The following DLG1 variants were observed in gnomAD, a reference collection of about 807,000 sequenced individuals.
DLG1 encodes disks large homolog 1.
Under a neutral mutation model 123.4 loss-of-function variants are expected in DLG1, and 42 were observed. The observed-to-expected ratio is 0.34, with a 90% CI of 0.27 to 0.44. The LOEUF (loss-of-function observed/expected upper bound fraction) is 0.44. Ranked by LOEUF, DLG1 falls within the 20% of genes least tolerant of loss-of-function variation. DLG1 has a pLI of 1.00. For synonymous variants in DLG1, 317 were observed against 356.2 expected, an observed-to-expected ratio of 0.89 and a Z score of 1.24; for missense variants, 942 against 1,082.6, an observed-to-expected ratio of 0.87 and a Z score of 1.82.
chr3:197,184,786 C>A (rs1308202832), intron 5 of DLG1, among the ~76,000 whole-genome samples: 2 of 152,260 alleles, frequency 1.3e-5, no homozygotes, highest in South Asian at 2.1e-4. Flanking sequence ...TGTGTTTTAT[C>A]CAACTCTACA....
chr3:197,083,257 A>G (rs1231007983), intron 16 of DLG1, among the ~76,000 whole-genome samples: 1 of 152,212 alleles, frequency 6.6e-6, no homozygotes, highest in Non-Finnish European at 1.5e-5. Context: ...ACAAACAGGT[A>G]AATAAATAAA....
At chr3:197,161,035 C>T (rs539000079) in intron 5 of DLG1, among the ~76,000 whole-genome samples, 1 of 152,172 alleles carries the variant, frequency 6.6e-6, no homozygotes, top group Non-Finnish European at 1.5e-5. Flanking sequence ...AATGATTAGA[C>T]TCTCTCACAT....
intron 4 of DLG1, among the ~76,000 whole-genome samples, chr3:197,265,464 T>A (rs999814978): frequency 6.6e-6 from 1 of 152,130 alleles, no homozygotes; most frequent in Non-Finnish European, 1.5e-5. Flanking sequence ...CAGCCTTAAG[T>A]TGAGGAGAAA....
chr3:197,218,480 G>T (rs1417732091), intron 4 of DLG1, among the ~76,000 whole-genome samples: 1 of 152,142 alleles, frequency 6.6e-6, no homozygotes, highest in Non-Finnish European at 1.5e-5. Context: ...CAGCTATACT[G>T]TCAGAACAAA....
chr3:197,055,392 T>C (rs184648973), intron 23 of DLG1, among the ~76,000 whole-genome samples: 82 of 152,362 alleles, frequency 5.4e-4, no homozygotes, highest in Non-Finnish European at 8.1e-4. Context: ...GGCTATATTT[T>C]CCTGTTTCTT....
At chr3:197,135,935 C>T (rs1354862592) in intron 10 of DLG1, among the ~76,000 whole-genome samples, 1 of 152,046 alleles carries the variant, frequency 6.6e-6, no homozygotes, top group East Asian at 1.9e-4. Flanking sequence ...CCTCAGCCTC[C>T]CAAGGAGCTG....
intron 17 of DLG1, among the ~76,000 whole-genome samples, chr3:197,080,096 C>T (rs1358006383): frequency 6.6e-6 from 1 of 151,590 alleles, no homozygotes; most frequent in Non-Finnish European, 1.5e-5. Flanking sequence ...GAATATTCCA[C>T]TGCAGTGAGT....
At chr3:197,207,829 T>C (rs1214476298) in intron 4 of DLG1, among the ~76,000 whole-genome samples, 1 of 145,752 alleles carries the variant, frequency 6.9e-6, no homozygotes, top group Non-Finnish European at 1.5e-5. Flanking sequence ...TCCTGAAGAT[T>C]TTTTTAAATG....
chr3:197,240,411 G>A (rs1748239341), intron 4 of DLG1, among the ~76,000 whole-genome samples: 1 of 152,108 alleles, frequency 6.6e-6, no homozygotes, highest in Non-Finnish European at 1.5e-5. Flanking sequence ...TAACAGTAAA[G>A]AACTTCTAAG....
chr3:197,185,206 T>G (rs1249247867), intron 5 of DLG1, among the ~76,000 whole-genome samples: 4 of 152,226 alleles, frequency 2.6e-5, no homozygotes, highest in African/African-American at 9.6e-5. Flanking sequence ...CCATGGATAT[T>G]TTTTCGGATG....
intron 17 of DLG1, among the ~76,000 whole-genome samples, chr3:197,077,506 A>G (rs1350219669): frequency 1.3e-5 from 2 of 152,204 alleles, no homozygotes; most frequent in Non-Finnish European, 2.9e-5. Flanking sequence ...TTATTAAAAA[A>G]AAGTACACAT....
chr3:197,203,602 GT>G (rs1726991429), intron 4 of DLG1, among the ~76,000 whole-genome samples: 2 of 152,044 alleles, frequency 1.3e-5, no homozygotes. Context: ...CAGGTTAAAA[GT>G]AGAGGAAAGT....
chr3:197,222,067 C>G (rs1335477789), intron 4 of DLG1, among the ~76,000 whole-genome samples: 1 of 152,134 alleles, frequency 6.6e-6, no homozygotes. Flanking sequence ...GAAAAAATGT[C>G]TGTATACGTT....
intron 13 of DLG1, 67 bp from the exon 14 acceptor site, chr3:197,105,072 A>AT: frequency 9.9e-7 from 1 of 1,014,518 alleles, no homozygotes; most frequent in Middle Eastern, 2.1e-4. Context: ...ACAATAGTCT[A>AT]TTCTTTGAGT....
intron 5 of DLG1, among the ~76,000 whole-genome samples, chr3:197,152,201 T>C (rs1221907901): frequency 6.6e-6 from 1 of 152,178 alleles, no homozygotes; most frequent in Non-Finnish European, 1.5e-5. Context: ...AACTGTGATT[T>C]ACCTATACTC....
chr3:197,128,749 AAAC>A (rs1460079715), intron 11 of DLG1, among the ~76,000 whole-genome samples: 1 of 152,242 alleles, frequency 6.6e-6, no homozygotes, highest in Non-Finnish European at 1.5e-5. Context: ...GTAAGCATCA[AAAC>A]AACATCAGTC....
intron 23 of DLG1, among the ~76,000 whole-genome samples, chr3:197,055,427 G>A (rs925269555): frequency 6.6e-6 from 1 of 152,032 alleles, no homozygotes; most frequent in Non-Finnish European, 1.5e-5. Flanking sequence ...TTTTTTTGTG[G>A]GAAACTACAC....
chr3:197,141,721 A>G (rs964983593), intron 7 of DLG1, among the ~76,000 whole-genome samples: 1 of 152,022 alleles, frequency 6.6e-6, no homozygotes, highest in Non-Finnish European at 1.5e-5. Flanking sequence ...CTGAATGCAG[A>G]TATTCTTTTT....
chr3:197,188,466 G>A lies in DLG1; in HGVS notation c.483+5959C>T, dbSNP rs187219462. ...TTTAATAACTGTTTGCTAAATGCATGTATTGCTTGACACAACTAATATCCT... is the reference window on the plus strand; with the variant it reads ...TTTAATAACTGTTTGCTAAATGCATATATTGCTTGACACAACTAATATCCT... On this transcript the variant is annotated intron_variant, in intron 5 of 24. Transcript: ENST00000667157. 1.7e-3 allele frequency among the ~76,000 whole-genome samples: 263 copies of A among 152,282 alleles called. 2 individuals carry two copies. The highest frequency in any genetic ancestry group is 5.9e-3 in the African/African-American group (245 of 41,562).
Sources: gnomAD v4.1 joint callset for allele counts (sites outside exome capture counted in the v4.1 genomes callset) on GRCh38, gnomAD v4.1.1 for gene constraint, MANE v1.5 for transcripts, NCBI Gene and HGNC (gene_info 2026-07-23, HGNC 2026-07-21) for gene names.